Variants in MLLT11 observed in about 807,000 individuals in gnomAD.
The protein encoded by MLLT11 is protein AF1q.
MLLT11 carries 1 observed loss-of-function variant against 5.3 expected under a neutral mutation model. The observed-to-expected ratio is 0.19, with a 90% CI of 0.07 to 0.89. The LOEUF is 0.89. Ranked by LOEUF, MLLT11 falls within the 40% of genes least tolerant of loss-of-function variation. The pLI, the probability that MLLT11 is intolerant of heterozygous loss-of-function variation, is 0.67. For synonymous variants in MLLT11, 38 were observed against 41.7 expected, an observed-to-expected ratio of 0.91 and a Z score of 0.34; for missense variants, 87 against 107.3, an observed-to-expected ratio of 0.81 and a Z score of 0.83.
chr1:151,067,039 T>A, intron 1 of MLLT11, 180 bp from the exon 2 acceptor site: 1 of 497,518 alleles, frequency 2.0e-6, no homozygotes, highest in South Asian at 3.9e-5. Flanking sequence ...TTCTTTTTTT[T>A]CCTCCCCAAA....
rs1676421156 is a variant in MLLT11, at chr1:151,062,574, G to A, written c.-7+2021G>A. 2.6e-5 allele frequency among the ~76,000 whole-genome samples: 4 copies of A among 152,026 alleles called. No homozygotes were observed. The South Asian group carries it at 6.2e-4, about 24-fold the overall frequency. ...GACGGGGTTTCACTATCTTGGCCAG[G>A]CTGGTCTCGAATTCCTGACCTTGTG... On this transcript the variant is annotated intron_variant, in intron 1 of 1. Coordinates refer to ENST00000368921, the MANE Select transcript of MLLT11 (RefSeq NM_006818.4).
chr1:151,065,501 G>T (rs954913120), intron 1 of MLLT11, among the ~76,000 whole-genome samples: 7 of 152,148 alleles, frequency 4.6e-5, no homozygotes, highest in Non-Finnish European at 2.9e-5. Context: ...AAGGCAATAA[G>T]GCCATCCCTA....
In MLLT11 at chr1:151,067,839, A is replaced by G. The variant is rs1676495960; in HGVS notation, c.*342A>G. The G allele has an allele frequency of 3.3e-6, 1 of 305,160 alleles. No individual in the cohort carries two copies. Among genetic ancestry groups the G allele is most frequent in the African/African-American group, 2.1e-5 (1 of 47,060 alleles). The allele number at this position is 305,160 out of a possible 1,614,324, so 18.9% of individuals were successfully genotyped here. A position where few individuals can be genotyped will look rare whatever the true frequency, so the allele number is the denominator to read the frequency against. On this transcript the variant is annotated 3_prime_UTR_variant, in exon 2 of 2. Coordinates refer to ENST00000368921, the MANE Select transcript of MLLT11 (RefSeq NM_006818.4). Reference sequence around the variant, plus strand: ...TGGAAGACTGATTTTTGACTCTATTATAATCAGCTTCAGAGATTCCTTAAA... The same window carrying G: ...TGGAAGACTGATTTTTGACTCTATTGTAATCAGCTTCAGAGATTCCTTAAA...
intron 1 of MLLT11, among the ~76,000 whole-genome samples, chr1:151,062,047 CT>C (rs796957993): frequency 1.2e-3 from 175 of 145,626 alleles, no homozygotes; most frequent in Non-Finnish European, 1.3e-3. Context: ...TGTCGAAGAG[CT>C]TTTTTTTTTT....
At chr1:151,062,445 C>G (rs1262326198) in intron 1 of MLLT11, among the ~76,000 whole-genome samples, 1 of 151,430 alleles carries the variant, frequency 6.6e-6, no homozygotes, top group Non-Finnish European at 1.5e-5. Flanking sequence ...TCACTGCAAC[C>G]TCCACCTCCC....
chr1:151,069,484 C>T lies in MLLT11; in HGVS notation c.*1987C>T, dbSNP rs972484436. Among the ~76,000 whole-genome samples the T allele has an allele frequency of 1.6e-4, 25 of 152,276 alleles. No individual in the cohort carries two copies. The highest frequency in any genetic ancestry group is 3.4e-3 in the Middle Eastern group (1 of 294). ...AAGGGCCCCTTCAGAGTCCTTCAGC[C>T]ATGGCAATTGGTGGGTGGAGACAGG... On this transcript the variant is annotated 3_prime_UTR_variant, in exon 2 of 2. Coordinates refer to ENST00000368921, the MANE Select transcript of MLLT11 (RefSeq NM_006818.4).
intron 1 of MLLT11, among the ~76,000 whole-genome samples, chr1:151,063,571 G>A (rs1052334974): frequency 1.1e-4 from 16 of 151,894 alleles, no homozygotes; most frequent in African/African-American, 2.9e-4. Context: ...GACTACAGGC[G>A]CCCACCACCG....
At chr1:151,061,261 CAGAG>C (rs796236314) in intron 1 of MLLT11, among the ~76,000 whole-genome samples, 5 of 152,238 alleles carry the variant, frequency 3.3e-5, no homozygotes, top group African/African-American at 1.2e-4. Flanking sequence ...TATGAGATGT[CAGAG>C]AGGTTCTGCT....
At chr1:151,066,100 A>G (rs1676472934) in intron 1 of MLLT11, among the ~76,000 whole-genome samples, 1 of 152,090 alleles carries the variant, frequency 6.6e-6, no homozygotes, top group Admixed American at 6.5e-5. Context: ...TTAGCCTCCC[A>G]AAGTGCTGGG....
intron 1 of MLLT11, among the ~76,000 whole-genome samples, chr1:151,066,006 AATTTTTTGT>A (rs1280485176): frequency 2.0e-5 from 3 of 151,936 alleles, no homozygotes; most frequent in Non-Finnish European, 2.9e-5. Context: ...AGGCCCAGCT[AATTTTTTGT>A]ATTTTTTGTA....
At chr1:151,063,666 C>T (rs971058235) in intron 1 of MLLT11, among the ~76,000 whole-genome samples, 3 of 152,160 alleles carry the variant, frequency 2.0e-5, no homozygotes, top group Non-Finnish European at 4.4e-5. Context: ...ACCTCGTGAT[C>T]CACCCGCCTC....
intron 1 of MLLT11, 159 bp from the exon 2 acceptor site, chr1:151,067,060 C>A: frequency 5.7e-6 from 3 of 529,308 alleles, no homozygotes; most frequent in South Asian, 7.2e-5. Context: ...TTCCTTTTTA[C>A]TGGTGGGATT....
chr1:151,061,379 G>A (rs915765923), intron 1 of MLLT11, among the ~76,000 whole-genome samples: 2 of 152,160 alleles, frequency 1.3e-5, no homozygotes, highest in African/African-American at 4.8e-5. Flanking sequence ...CAAAGGGTCT[G>A]GACAAAGGAT....
chr1:151,064,257 G>A (rs1370460435), intron 1 of MLLT11, among the ~76,000 whole-genome samples: 1 of 152,138 alleles, frequency 6.6e-6, no homozygotes, highest in Non-Finnish European at 1.5e-5. Flanking sequence ...CTCACCTCCT[G>A]ATCTGCCTGC....
At chr1:151,061,640 G>A (rs1032319902) in intron 1 of MLLT11, among the ~76,000 whole-genome samples, 3 of 152,172 alleles carry the variant, frequency 2.0e-5, no homozygotes, top group African/African-American at 7.2e-5. Flanking sequence ...TAGGGCTGGA[G>A]AGCATTTGTG....
chr1:151,069,265 G>A lies in MLLT11; in HGVS notation c.*1768G>A, dbSNP rs12039048. Among the ~76,000 whole-genome samples, 665 of 152,166 alleles carry A rather than the reference G, an allele frequency of 4.4e-3. 37 individuals carry two copies. In the East Asian group the frequency reaches 0.12, roughly 28 times the overall value. On this transcript the variant is annotated 3_prime_UTR_variant, in exon 2 of 2. Coordinates refer to ENST00000368921, the MANE Select transcript of MLLT11 (RefSeq NM_006818.4). ...ACCAATATGGATAGGACAGAATTGG[G>A]CAGTGTACTATAAATAAGGATGACA...
In MLLT11 at chr1:151,069,184, CAG is replaced by C. The variant is rs1345283848; in HGVS notation, c.*1689_*1690del. 1.3e-5 allele frequency among the ~76,000 whole-genome samples: 2 copies of C among 152,082 alleles called. No homozygotes were observed. The highest frequency in any genetic ancestry group is 2.9e-5 in the Non-Finnish European group (2 of 68,010). ...TGCTATAGGAAAGCACTGAGCCAAA[CAG>C]AATGTAAACGGGAATGAGACAAGAC... On this transcript the variant is annotated 3_prime_UTR_variant, in exon 2 of 2. Transcript: ENST00000368921.
chr1:151,067,284 A>C lies in MLLT11; in HGVS notation c.60A>C (p.Pro20=). 1 of 1,614,156 alleles carries C rather than the reference A, an allele frequency of 6.2e-7. No individual in the cohort carries two copies. The highest frequency in any genetic ancestry group is 1.1e-5 in the South Asian group (1 of 91,088). ...SSFLFWRMPI[P]ELDLSELEGL... is the part of the protein sequence containing the mutation. The stretch of plus-strand genomic sequence containing the variant: ...TTCTTTTCTGGAGGATGCCCATCCC[A>C]GAACTGGATCTGTCGGAGCTGGAAG... Residue 20 remains proline (P), a synonymous_variant, in exon 2 of 2, where the codon CCA becomes CCC. Coordinates refer to ENST00000368921, the MANE Select transcript of MLLT11 (RefSeq NM_006818.4).
intron 1 of MLLT11, among the ~76,000 whole-genome samples, chr1:151,063,579 C>A (rs1676435416): frequency 6.6e-6 from 1 of 152,208 alleles, no homozygotes; most frequent in Non-Finnish European, 1.5e-5. Flanking sequence ...GCGCCCACCA[C>A]CGCGCCCGGC....
Sources: allele counts gnomAD v4.1 joint callset (sites outside exome capture counted in the v4.1 genomes callset), GRCh38; gene constraint gnomAD v4.1.1; transcripts MANE v1.5; gene names NCBI Gene and HGNC (gene_info 2026-07-23, HGNC 2026-07-21).